CMIP: variants seen among roughly 807,000 people sequenced by gnomAD.
The protein encoded by CMIP is c-Maf inducing protein, also known as C-Maf-inducing protein.
CMIP carries 13 observed loss-of-function variants against 97.3 expected under a neutral mutation model. That is an observed-to-expected ratio of 0.13 (90% CI 0.09 to 0.21). The LOEUF is 0.21. Among genes scored for constraint, CMIP ranks in the 10% least tolerant of loss-of-function variants. The probability of loss-of-function intolerance (pLI) is 1.00; values close to 1 mark genes in which losing one functional copy is unlikely to be tolerated. For missense variants in CMIP, 847 were observed against 1,024.9 expected (o/e 0.83, Z 2.37); for synonymous variants, 538 against 436.3 (o/e 1.23, Z -2.91).
rs988168993 is a variant in CMIP, at chr16:81,467,232, G to A, written c.300+21691G>A. ...TCACTCTGGGACCTGGGCACATCCC[G>A]CAACCAGTCTGAGTGCCCCAGCCTG... On this transcript the variant is annotated intron_variant, in intron 1 of 20. Coordinates refer to ENST00000537098, the MANE Select transcript of CMIP (RefSeq NM_198390.3). Among the ~76,000 whole-genome samples, 3 of 152,196 alleles carry A rather than the reference G, an allele frequency of 2.0e-5. No homozygotes were observed. The South Asian group carries it at 6.2e-4, about 31-fold the overall frequency.
intron 2 of CMIP, among the ~76,000 whole-genome samples, chr16:81,609,504 T>TCGGGGAGGCCCCATG (rs2150944758): frequency 6.6e-6 from 1 of 152,322 alleles, no homozygotes; most frequent in African/African-American, 2.4e-5. Flanking sequence ...TCCCCTGTGC[T>TCGGGGAGGCCCCATG]CGGGGAGGCC....
At chr16:81,644,064 C>T (rs1000243216) in intron 3 of CMIP, among the ~76,000 whole-genome samples, 2 of 152,146 alleles carry the variant, frequency 1.3e-5, no homozygotes, top group Non-Finnish European at 2.9e-5. Context: ...CCAGAAGCAC[C>T]GTTGACCCTA....
At chr16:81,692,145 C>T (rs1002979646) in intron 11 of CMIP, among the ~76,000 whole-genome samples, 4 of 152,158 alleles carry the variant, frequency 2.6e-5, no homozygotes, top group African/African-American at 7.2e-5. Context: ...CCTGGCAGGC[C>T]GTGCAGTTAT....
chr16:81,664,818 C>A, intron 7 of CMIP: 1 of 268,744 alleles, frequency 3.7e-6, no homozygotes. Context: ...AACAACAAGC[C>A]AGTTAGACAG....
intron 3 of CMIP, among the ~76,000 whole-genome samples, chr16:81,626,502 T>G (rs751274504): frequency 6.9e-6 from 1 of 145,008 alleles, no homozygotes; most frequent in South Asian, 2.2e-4. Context: ...ATGTGTGGGG[T>G]GACTGAGCAT....
intron 1 of CMIP, among the ~76,000 whole-genome samples, chr16:81,574,617 G>C (rs2091157295): frequency 6.6e-6 from 1 of 152,244 alleles, no homozygotes; most frequent in Non-Finnish European, 1.5e-5. Flanking sequence ...GTAAGAAAGA[G>C]CCTTCGAGTA....
intron 1 of CMIP, among the ~76,000 whole-genome samples, chr16:81,445,744 CG>C (rs1264832160): frequency 6.6e-6 from 1 of 152,096 alleles, no homozygotes; most frequent in Non-Finnish European, 1.5e-5. Context: ...ACCAGCCGAC[CG>C]GGCTCAGGAG....
Position 81,678,638 on chromosome 16 carries a change from C to A in CMIP, c.1388+10C>A, listed in dbSNP as rs371495274. On this transcript the variant is annotated intron_variant, in intron 10 of 20. Transcript: ENST00000537098. ...AAATCCTCAAGCTGCTGTGAGTGCCCCCCCCGCGTGCCCGCCCCCGGGGCC... is the reference window on the plus strand; with the variant it reads ...AAATCCTCAAGCTGCTGTGAGTGCCACCCCCGCGTGCCCGCCCCCGGGGCC... 1,572 of 1,406,384 alleles carry A rather than the reference C, an allele frequency of 1.1e-3. 15 individuals are homozygous for A. In the African/African-American group the frequency reaches 0.019, roughly 17 times the overall value. The allele number at this position is 1,406,384 out of a possible 1,614,324, so 87.1% of individuals were successfully genotyped here. A position where few individuals can be genotyped will look rare whatever the true frequency, so the allele number is the denominator to read the frequency against.
chr16:81,585,053 A>G (rs2091359132), intron 1 of CMIP, among the ~76,000 whole-genome samples: 1 of 152,234 alleles, frequency 6.6e-6, no homozygotes, highest in Non-Finnish European at 1.5e-5. Context: ...ATGTAAATGT[A>G]CAGTTCGGCC....
intron 4 of CMIP, among the ~76,000 whole-genome samples, chr16:81,653,026 G>C (rs1156372272): frequency 6.6e-6 from 1 of 152,302 alleles, no homozygotes; most frequent in Middle Eastern, 3.4e-3. Flanking sequence ...ACTCATCAGC[G>C]AGTCTGTCCC....
At chr16:81,707,167 T>G in intron 20 of CMIP, 83 bp downstream of exon 20, 1 of 1,123,414 alleles carries the variant, frequency 8.9e-7, no homozygotes, top group East Asian at 2.3e-5. Flanking sequence ...TGCACAGAGC[T>G]CGTTCTCCAG....
intron 19 of CMIP, 120 bp downstream of exon 19, chr16:81,705,724 C>T (rs939431392): frequency 1.5e-6 from 1 of 645,214 alleles, no homozygotes; most frequent in African/African-American, 1.8e-5. Context: ...TTCGTTCATT[C>T]ACAAACGTGT....
At chr16:81,496,821 T>A (rs2089499811) in intron 1 of CMIP, among the ~76,000 whole-genome samples, 1 of 152,266 alleles carries the variant, frequency 6.6e-6, no homozygotes, top group Non-Finnish European at 1.5e-5. Flanking sequence ...GAGTCTTACA[T>A]TCTGTGAAAC....
At chr16:81,545,094 A>T (rs2090520799) in intron 1 of CMIP, among the ~76,000 whole-genome samples, 1 of 152,100 alleles carries the variant, frequency 6.6e-6, no homozygotes, top group East Asian at 1.9e-4. Flanking sequence ...CTCCTAGAAG[A>T]TGCCAGGCCC....
chr16:81,461,052 T>C (rs1906868693), intron 1 of CMIP, among the ~76,000 whole-genome samples: 1 of 152,188 alleles, frequency 6.6e-6, no homozygotes, highest in Non-Finnish European at 1.5e-5. Context: ...AGATGCGAGG[T>C]TACCACGCTT....
At chr16:81,460,789 T>A (rs192752909) in intron 1 of CMIP, among the ~76,000 whole-genome samples, 2 of 152,304 alleles carry the variant, frequency 1.3e-5, no homozygotes, top group African/African-American at 4.8e-5. Flanking sequence ...TCTCTTGCAC[T>A]TGGACTCTTT....
chr16:81,466,990 C>T (rs903068928), intron 1 of CMIP, among the ~76,000 whole-genome samples: 1 of 152,148 alleles, frequency 6.6e-6, no homozygotes, highest in African/African-American at 2.4e-5. Context: ...ATTGAGGTGA[C>T]CAGAACATAC....
At chr16:81,662,655 C>T (rs2092560115) in intron 6 of CMIP, among the ~76,000 whole-genome samples, 1 of 152,196 alleles carries the variant, frequency 6.6e-6, no homozygotes, top group Non-Finnish European at 1.5e-5. Flanking sequence ...TCAGGGGAGC[C>T]CTGATTTCTC....
In CMIP at chr16:81,705,597, C is replaced by T. The variant is rs1270909645; in HGVS notation, c.2190C>T (p.Ala730=). 1.9e-6 allele frequency: 3 copies of T among 1,598,824 alleles called. No individual in the cohort carries two copies. The highest frequency in any genetic ancestry group is 2.3e-5 in the East Asian group (1 of 44,258). Residue 730 remains alanine, a synonymous_variant, in exon 19 of 21, where the codon GCC becomes GCT. Transcript: ENST00000537098. ...ETPVTDAGLL[A]LSSMKSLCSL... is the part of the protein sequence containing the mutation. ...CGGTCACAGACGCTGGCCTGCTGGC[C>T]CTGAGCTGTGAGTGCCTCCGGGGCA...
Sources: allele counts gnomAD v4.1 joint callset (sites outside exome capture counted in the v4.1 genomes callset), GRCh38; gene constraint gnomAD v4.1.1; transcripts MANE v1.5; gene names NCBI Gene and HGNC (gene_info 2026-07-23, HGNC 2026-07-21).